The following CCDC25 variants were observed in gnomAD, a reference collection of about 807,000 sequenced individuals.
The protein encoded by CCDC25 is coiled-coil domain-containing protein 25.
A neutral mutation model predicts 35.3 loss-of-function variants in CCDC25; 16 were observed. The observed-to-expected ratio is 0.45, with a 90% CI of 0.31 to 0.69. The LOEUF is 0.69. Ranked by LOEUF, CCDC25 falls within the 30% of genes least tolerant of loss-of-function variation. CCDC25 has a pLI of 0.06. For missense variants in CCDC25, 179 were observed against 250.7 expected, an observed-to-expected ratio of 0.71 and a Z score of 1.93; for synonymous variants, 79 against 80.3, an observed-to-expected ratio of 0.98 and a Z score of 0.09.
At chr8:27,740,083 TTTG>T (rs1308798426) in intron 8 of CCDC25, among the ~76,000 whole-genome samples, 1 of 152,176 alleles carries the variant, frequency 6.6e-6, no homozygotes, top group African/African-American at 2.4e-5. Context: ...AGGTGATAAT[TTTG>T]TTCTCATTCA....
At chr8:27,740,605 T>G (rs1803404397) in intron 7 of CCDC25, 88 bp from the exon 8 acceptor site, 1 of 1,119,166 alleles carries the variant, frequency 8.9e-7, no homozygotes, top group East Asian at 2.4e-5. Context: ...TATCCAGCAC[T>G]GCTCAGGGGC....
intron 5 of CCDC25, among the ~76,000 whole-genome samples, chr8:27,752,046 A>G (rs944660433): frequency 6.6e-6 from 1 of 152,234 alleles, no homozygotes; most frequent in African/African-American, 2.4e-5. Flanking sequence ...AAAAGTATGT[A>G]AGAGGAGGAG....
chr8:27,761,686 C>T (rs148063566), intron 3 of CCDC25, among the ~76,000 whole-genome samples: 133 of 152,114 alleles, frequency 8.7e-4, no homozygotes, highest in African/African-American at 3.0e-3. Flanking sequence ...ATGAAGAAAA[C>T]GAAAGTAGAC....
At chr8:27,754,173 G>C (rs536093140) in intron 4 of CCDC25, among the ~76,000 whole-genome samples, 176 of 152,264 alleles carry the variant, frequency 1.2e-3, no homozygotes, top group Admixed American at 1.8e-3. Flanking sequence ...CCAGAAGGTA[G>C]TTCATGAAAA....
intron 4 of CCDC25, among the ~76,000 whole-genome samples, chr8:27,754,002 T>A (rs1803907663): frequency 1.3e-5 from 2 of 152,212 alleles, no homozygotes; most frequent in African/African-American, 4.8e-5. Flanking sequence ...CAAAAGGGTT[T>A]TGGAAAACCT....
chr8:27,752,195 A>C (rs893116173), intron 5 of CCDC25, among the ~76,000 whole-genome samples: 4 of 152,256 alleles, frequency 2.6e-5, no homozygotes, highest in African/African-American at 9.6e-5. Flanking sequence ...CAACATTGCC[A>C]AATTTCCCAA....
At chr8:27,743,749 C>T (rs1027200140) in intron 7 of CCDC25, among the ~76,000 whole-genome samples, 1 of 152,122 alleles carries the variant, frequency 6.6e-6, no homozygotes, top group African/African-American at 2.4e-5. Context: ...AAGATATTAG[C>T]TGGGCATGGT....
chr8:27,771,862 A>T (rs1359427894), intron 1 of CCDC25: 2 of 152,246 alleles, frequency 1.3e-5, no homozygotes, highest in Non-Finnish European at 1.5e-5. Context: ...GAATAACAGG[A>T]ACAGAACGAA....
At chr8:27,744,355 C>T (rs1028880105) in intron 7 of CCDC25, among the ~76,000 whole-genome samples, 11 of 152,178 alleles carry the variant, frequency 7.2e-5, no homozygotes, top group African/African-American at 2.7e-4. Flanking sequence ...CACTCTGTCA[C>T]CTCTAAGGGG....
chr8:27,752,482 A>G, intron 5 of CCDC25, 30 bp downstream of exon 5: 1 of 1,564,476 alleles, frequency 6.4e-7, no homozygotes, highest in Non-Finnish European at 8.8e-7. Context: ...AGTCCGTGCT[A>G]ATTCTAAAAA....
chr8:27,767,629 A>G (rs1804444003), intron 1 of CCDC25, among the ~76,000 whole-genome samples: 2 of 152,256 alleles, frequency 1.3e-5, no homozygotes, highest in African/African-American at 4.8e-5. Flanking sequence ...GAATGCAACA[A>G]TGATTTGTAA....
chr8:27,766,058 G>A (rs1804390945), intron 1 of CCDC25, among the ~76,000 whole-genome samples: 1 of 152,218 alleles, frequency 6.6e-6, no homozygotes, highest in Non-Finnish European at 1.5e-5. Context: ...CCCTACCTTG[G>A]ATTCCTACTG....
chr8:27,750,402 C>T (rs778817549), intron 5 of CCDC25, among the ~76,000 whole-genome samples: 7 of 152,124 alleles, frequency 4.6e-5, no homozygotes, highest in African/African-American at 1.2e-4. Flanking sequence ...TCTAACTCAA[C>T]GGGGTGGATA....
At chr8:27,748,318 G>T in intron 6 of CCDC25, 39 bp from the exon 7 acceptor site, 3 of 1,566,710 alleles carry the variant, frequency 1.9e-6, no homozygotes, top group Non-Finnish European at 2.6e-6. Context: ...GCATCTTTTT[G>T]TTTTTTTTCT....
Position 27,737,404 on chromosome 8 carries a change from A to C in CCDC25, c.598-1159T>G, listed in dbSNP as rs917878148. Reference sequence around the variant, plus strand: ...GTCTGGGTTGTCATCAACGAAAGTAAGCCATTCCCTATAAAGGCTGTGAGT... The same window carrying C: ...GTCTGGGTTGTCATCAACGAAAGTACGCCATTCCCTATAAAGGCTGTGAGT... On this transcript the variant is annotated intron_variant, in intron 8 of 8. Coordinates refer to ENST00000356537, the MANE Select transcript of CCDC25 (RefSeq NM_018246.3). The surrounding 1 kb of genome is among the most constrained non-coding windows in gnomAD (Gnocchi z 4.6). Among the ~76,000 whole-genome samples, 1 of 152,190 alleles carries C rather than the reference A, an allele frequency of 6.6e-6. No homozygotes were observed. The highest frequency in any genetic ancestry group is 2.4e-5 in the African/African-American group (1 of 41,452).
intron 1 of CCDC25, among the ~76,000 whole-genome samples, chr8:27,768,561 T>C (rs1292695142): frequency 9.9e-6 from 1 of 100,556 alleles, no homozygotes; most frequent in Admixed American, 1.3e-4. Context: ...CAAGACTCCA[T>C]CTCAAAAAAA....
rs182655194 is a variant in CCDC25, at chr8:27,761,169, A to G, written c.116+1250T>C. ...AATTAAATCAACTCTTCTAAAAAGCAGTAGCCCAACTCTATCACTAGAGGG... is the reference window on the plus strand; with the variant it reads ...AATTAAATCAACTCTTCTAAAAAGCGGTAGCCCAACTCTATCACTAGAGGG... On this transcript the variant is annotated intron_variant, in intron 3 of 8. Transcript: ENST00000356537. 3.9e-5 allele frequency among the ~76,000 whole-genome samples: 6 copies of G among 152,326 alleles called. No homozygotes were observed. The East Asian group carries it at 9.6e-4, about 24-fold the overall frequency.
At position 27,733,936 on chromosome 8, in the gene CCDC25, T is replaced by G. The variant is rs1803125060; in HGVS notation, c.*2280A>C. On this transcript the variant is annotated 3_prime_UTR_variant, in exon 9 of 9. Transcript: ENST00000356537. ...AAACTCTCCCCGTCTAATCCTGCTGTGTGTATGGCTCACACCATCTTTCCT... is the reference window on the plus strand; with the variant it reads ...AAACTCTCCCCGTCTAATCCTGCTGGGTGTATGGCTCACACCATCTTTCCT... 1 of 152,184 alleles carries G rather than the reference T, an allele frequency of 6.6e-6. No individual in the cohort carries two copies. The highest frequency in any genetic ancestry group is 2.4e-5 in the African/African-American group (1 of 41,458). 9.4% of individuals were successfully genotyped at this position (152,184 alleles called of 1,614,324 possible).
Position 27,772,575 on chromosome 8 carries a change from G to A in CCDC25, c.-35C>T. The A allele has an allele frequency of 1.3e-6, 2 of 1,545,866 alleles. No homozygotes were observed. Among genetic ancestry groups the A allele is most frequent in the Non-Finnish European group, 1.7e-6 (2 of 1,144,182 alleles). ...AGCGGTGCGGTGACTCCACCGCGGA[G>A]CAGCAGCGCTCAACTCACGAAGCTC... On this transcript the variant is annotated 5_prime_UTR_variant, in exon 1 of 9. Transcript: ENST00000356537.
Sources: allele counts gnomAD v4.1 joint callset (sites outside exome capture counted in the v4.1 genomes callset), GRCh38; gene constraint gnomAD v4.1.1; non-coding constraint Gnocchi (gnomAD v3.1); transcripts MANE v1.5; gene names NCBI Gene and HGNC (gene_info 2026-07-23, HGNC 2026-07-21).